Variants in DPP6 observed in about 807,000 individuals in gnomAD.
The protein encoded by DPP6 is A-type potassium channel modulatory protein DPP6.
A neutral mutation model predicts 122.6 loss-of-function variants in DPP6; 69 were observed. The observed-to-expected ratio is 0.56, with a 90% CI of 0.46 to 0.69. The LOEUF (loss-of-function observed/expected upper bound fraction) is 0.69, where lower values mean the gene tolerates loss of function less well. Ranked by LOEUF, DPP6 falls within the 30% of genes least tolerant of loss-of-function variation. The pLI is 0.00. For synonymous variants in DPP6, 418 were observed against 433.1 expected, an observed-to-expected ratio of 0.97 and a Z score of 0.43; for missense variants, 928 against 1,116.9, an observed-to-expected ratio of 0.83 and a Z score of 2.41.
At chr7:154,194,832 T>C (rs1798786090) in intron 1 of DPP6, among the ~76,000 whole-genome samples, 2 of 152,248 alleles carry the variant, frequency 1.3e-5, no homozygotes, top group Admixed American at 1.3e-4. Flanking sequence ...TTTTGTCTTG[T>C]TTTATTTTGT....
At chr7:153,822,557 A>G in the DPP6 span, among the ~76,000 whole-genome samples, 11 of 152,276 alleles carry the variant, frequency 7.2e-5, no homozygotes, top group South Asian at 6.2e-4. Flanking sequence ...AGTAACCTTC[A>G]ATTCTCCATT....
chr7:154,443,004 C>T (rs183744005), intron 1 of DPP6, among the ~76,000 whole-genome samples: 200 of 152,224 alleles, frequency 1.3e-3, no homozygotes, highest in Non-Finnish European at 1.8e-3. Context: ...AGAGGTAAGC[C>T]GAAGCCTGCA....
At chr7:154,577,151 C>T (rs1200320548) in intron 5 of DPP6, among the ~76,000 whole-genome samples, 3 of 151,950 alleles carry the variant, frequency 2.0e-5, no homozygotes, top group African/African-American at 7.3e-5. Context: ...CTCAGTGGTG[C>T]TTTAGGAGGG....
chr7:153,762,163 A>C, the DPP6 span, among the ~76,000 whole-genome samples: 2 of 152,220 alleles, frequency 1.3e-5, no homozygotes, highest in Non-Finnish European at 1.5e-5. Flanking sequence ...CAGTTATTAC[A>C]TAACATTTTC....
chr7:154,062,833 G>T lies in DPP6; in HGVS notation c.243+9770G>T, dbSNP rs1484218437. Among the ~76,000 whole-genome samples the T allele has an allele frequency of 2.2e-4, 28 of 129,226 alleles. 6 individuals carry two copies. The highest frequency in any genetic ancestry group is 4.0e-4 in the Non-Finnish European group (24 of 59,426). The allele number at this position is 129,226 out of a possible 152,430, so 84.8% of individuals were successfully genotyped here. On this transcript the variant is annotated intron_variant, in intron 1 of 25. Coordinates refer to ENST00000377770, the MANE Select transcript of DPP6 (RefSeq NM_130797.4). ...AGAGGGGGGAGGCACCCCCCGCGAG[G>T]CGGGGACTGCGAGCCAGACCCTCTT...
chr7:154,210,460 G>T (rs898744561), intron 1 of DPP6, among the ~76,000 whole-genome samples: 3 of 152,144 alleles, frequency 2.0e-5, no homozygotes, highest in African/African-American at 4.8e-5. Flanking sequence ...ATTTAAAATA[G>T]CAGTAATTGC....
chr7:153,900,545 G>A (rs963233441), intron 1 of DPP6, among the ~76,000 whole-genome samples: 5 of 152,136 alleles, frequency 3.3e-5, no homozygotes, highest in African/African-American at 1.2e-4. Flanking sequence ...AAGAGAGAGA[G>A]GAAGGAGGTG....
At chr7:154,785,340 A>G (rs1032767948) in intron 10 of DPP6, among the ~76,000 whole-genome samples, 1 of 152,206 alleles carries the variant, frequency 6.6e-6, no homozygotes, top group African/African-American at 2.4e-5. Flanking sequence ...TATATGGTAA[A>G]TCACTAAGCA....
At chr7:153,821,991 T>G in the DPP6 span, among the ~76,000 whole-genome samples, 1 of 152,098 alleles carries the variant, frequency 6.6e-6, no homozygotes, top group African/African-American at 2.4e-5. Context: ...TCAGGTCTTC[T>G]GTAGCTAAAT....
intron 1 of DPP6, among the ~76,000 whole-genome samples, chr7:154,265,629 A>G (rs546792258): frequency 1.6e-4 from 24 of 152,370 alleles, no homozygotes; most frequent in African/African-American, 5.5e-4. Flanking sequence ...AAAAATCCTT[A>G]AATGATAATG....
intron 1 of DPP6, among the ~76,000 whole-genome samples, chr7:154,275,250 T>A (rs2150940583): frequency 6.6e-6 from 1 of 152,348 alleles, no homozygotes; most frequent in Admixed American, 6.5e-5. Flanking sequence ...TACCTGCTCC[T>A]AGAGTCCTCT....
the DPP6 span, among the ~76,000 whole-genome samples, chr7:153,754,911 A>G: frequency 6.6e-6 from 1 of 150,684 alleles, no homozygotes; most frequent in Non-Finnish European, 1.5e-5. Context: ...TTTTTTTTTA[A>G]TTCACCGTGA....
exon 1 of DPP6, chr7:153,887,097 A>C (rs746443540): frequency 6.6e-6 from 1 of 152,312 alleles, no homozygotes; most frequent in African/African-American, 2.4e-5. Context: ...AGTCCAGCTC[A>C]GTTCAGACAG....
intron 5 of DPP6, among the ~76,000 whole-genome samples, chr7:154,631,898 A>C (rs1258047378): frequency 6.6e-6 from 1 of 152,204 alleles, no homozygotes; most frequent in Non-Finnish European, 1.5e-5. Flanking sequence ...GGAAGATGGC[A>C]GTTTCAAAAC....
the DPP6 span, among the ~76,000 whole-genome samples, chr7:153,842,749 TA>T: frequency 6.6e-6 from 1 of 152,212 alleles, no homozygotes. Flanking sequence ...GAAATTCACT[TA>T]TATAATACAT....
chr7:153,938,037 G>C (rs1215910245), intron 1 of DPP6, among the ~76,000 whole-genome samples: 1 of 152,066 alleles, frequency 6.6e-6, no homozygotes, highest in Non-Finnish European at 1.5e-5. Context: ...TCTGAGACAG[G>C]GGCAAGAAGC....
chr7:153,970,929 A>G (rs915144307), intron 1 of DPP6, among the ~76,000 whole-genome samples: 1 of 152,196 alleles, frequency 6.6e-6, no homozygotes, highest in Non-Finnish European at 1.5e-5. Flanking sequence ...TTAAGTCTTC[A>G]GATTTTCTTC....
chr7:154,735,815 T>C (rs754889499), intron 8 of DPP6, among the ~76,000 whole-genome samples: 1 of 152,242 alleles, frequency 6.6e-6, no homozygotes, highest in Non-Finnish European at 1.5e-5. Flanking sequence ...AACAGTGTTC[T>C]AAGGCAGGAA....
intron 1 of DPP6, among the ~76,000 whole-genome samples, chr7:154,229,999 T>A (rs912970399): frequency 6.6e-6 from 1 of 152,202 alleles, no homozygotes; most frequent in Non-Finnish European, 1.5e-5. Context: ...TTTAGCCTTA[T>A]AAAAAGATTA....
Sources: allele counts gnomAD v4.1 joint callset (sites outside exome capture counted in the v4.1 genomes callset), GRCh38; gene constraint gnomAD v4.1.1; transcripts MANE v1.5; gene names NCBI Gene and HGNC (gene_info 2026-07-23, HGNC 2026-07-21).